Variants in KIAA1549L observed in about 807,000 individuals in gnomAD.
The protein encoded by KIAA1549L is KIAA1549 like, also known as UPF0606 protein KIAA1549L.
A neutral mutation model predicts 160.7 loss-of-function variants in KIAA1549L; 88 were observed. The ratio of observed to expected loss-of-function variants is 0.55; its 90% CI spans 0.46 to 0.65. The LOEUF is 0.65. Ranked by LOEUF, KIAA1549L falls within the 30% of genes least tolerant of loss-of-function variation. KIAA1549L has a pLI of 0.00. For synonymous variants in KIAA1549L, 950 were observed against 976.7 expected, an observed-to-expected ratio of 0.97 and a Z score of 0.51; for missense variants, 2,258 against 2,437.5, an observed-to-expected ratio of 0.93 and a Z score of 1.55.
chr11:33,505,912 TGCTAA>T (rs1394839861), intron 1 of KIAA1549L, among the ~76,000 whole-genome samples: 1 of 152,262 alleles, frequency 6.6e-6, no homozygotes, highest in Admixed American at 6.5e-5. Context: ...ACTCACCATG[TGCTAA>T]GCTAATTACC....
chr11:33,576,365 T>A (rs1855447315), intron 10 of KIAA1549L, among the ~76,000 whole-genome samples: 1 of 152,216 alleles, frequency 6.6e-6, no homozygotes, highest in Non-Finnish European at 1.5e-5. Context: ...CGATGGTCAC[T>A]CTCTGCAATC....
intron 16 of KIAA1549L, among the ~76,000 whole-genome samples, chr11:33,639,758 T>C (rs1340027968): frequency 1.3e-5 from 2 of 152,176 alleles, no homozygotes; most frequent in East Asian, 1.9e-4. Flanking sequence ...CAGGCTGGTC[T>C]CGAACTCCTG....
intron 14 of KIAA1549L, among the ~76,000 whole-genome samples, chr11:33,607,316 C>T (rs1162913091): frequency 6.6e-6 from 1 of 152,010 alleles, no homozygotes; most frequent in Non-Finnish European, 1.5e-5. Context: ...TCATTGGCTG[C>T]TTCCAGAAAG....
At chr11:33,387,757 G>A (rs768899361) in intron 1 of KIAA1549L, among the ~76,000 whole-genome samples, 1 of 152,090 alleles carries the variant, frequency 6.6e-6, no homozygotes, top group African/African-American at 2.4e-5. Context: ...CAGGGCTTTC[G>A]TTTTCTCATC....
chr11:33,418,606 CT>C (rs1189535014), intron 1 of KIAA1549L, among the ~76,000 whole-genome samples: 2 of 152,180 alleles, frequency 1.3e-5, no homozygotes, highest in African/African-American at 4.8e-5. Context: ...GGATTTATTC[CT>C]TACATATAGG....
chr11:33,558,660 A>G (rs747408563), intron 6 of KIAA1549L, among the ~76,000 whole-genome samples: 2 of 152,198 alleles, frequency 1.3e-5, no homozygotes, highest in South Asian at 2.1e-4. Context: ...TTGTTCATAC[A>G]TTGACCCAGA....
At chr11:33,617,133 C>CAA (rs59233344) in intron 15 of KIAA1549L, among the ~76,000 whole-genome samples, 146 of 89,572 alleles carry the variant, frequency 1.6e-3, no homozygotes, top group African/African-American at 3.8e-3. Flanking sequence ...GAGATTCTAT[C>CAA]AAAAAAAAAA....
At chr11:33,423,574 C>G (rs765192617) in intron 1 of KIAA1549L, among the ~76,000 whole-genome samples, 2 of 152,190 alleles carry the variant, frequency 1.3e-5, no homozygotes, top group Non-Finnish European at 2.9e-5. Context: ...TCTCATTTTG[C>G]TCAGCTTACA....
At chr11:33,387,233 C>A (rs545805256) in intron 1 of KIAA1549L, among the ~76,000 whole-genome samples, 10 of 152,288 alleles carry the variant, frequency 6.6e-5, no homozygotes, top group Non-Finnish European at 1.5e-4. Context: ...TATTGAAGAT[C>A]CCTCAAGGAT....
chr11:33,545,652 A>G (rs903786582), intron 3 of KIAA1549L, among the ~76,000 whole-genome samples: 1 of 152,216 alleles, frequency 6.6e-6, no homozygotes, highest in Non-Finnish European at 1.5e-5. Flanking sequence ...TAAAACATCC[A>G]TAGGGCCAAA....
At chr11:33,622,969 T>C (rs1590407577) in intron 16 of KIAA1549L, among the ~76,000 whole-genome samples, 1 of 152,028 alleles carries the variant, frequency 6.6e-6, no homozygotes, top group South Asian at 2.1e-4. Flanking sequence ...TGGAAGGAGA[T>C]GAAGGAATTG....
intron 1 of KIAA1549L, among the ~76,000 whole-genome samples, chr11:33,427,764 C>G (rs943589276): frequency 2.0e-5 from 3 of 152,172 alleles, no homozygotes; most frequent in African/African-American, 7.2e-5. Context: ...AACCCCCTTA[C>G]TAGTTAAGTA....
intron 1 of KIAA1549L, among the ~76,000 whole-genome samples, chr11:33,446,682 A>G (rs971427341): frequency 2.6e-5 from 4 of 151,620 alleles, no homozygotes; most frequent in African/African-American, 9.7e-5. Context: ...TTTTTTTTAA[A>G]TTTAAGTTTT....
chr11:33,438,659 G>T (rs535888762), intron 1 of KIAA1549L, among the ~76,000 whole-genome samples: 8 of 152,302 alleles, frequency 5.3e-5, no homozygotes, highest in South Asian at 4.1e-4. Context: ...TCAATTATTT[G>T]ACTCCTTGTC....
intron 1 of KIAA1549L, among the ~76,000 whole-genome samples, chr11:33,468,336 C>T (rs1310717831): frequency 6.6e-6 from 1 of 152,164 alleles, no homozygotes. Context: ...CTCCAGTTAT[C>T]TCTAAGGGTG....
At chr11:33,444,919 C>T (rs1319780909) in intron 1 of KIAA1549L, among the ~76,000 whole-genome samples, 3 of 152,180 alleles carry the variant, frequency 2.0e-5, no homozygotes, top group African/African-American at 7.2e-5. Flanking sequence ...CTCTTCTGCT[C>T]CTCTCCTTGG....
chr11:33,582,841 A>C (rs1268381559), intron 10 of KIAA1549L, among the ~76,000 whole-genome samples: 1 of 152,122 alleles, frequency 6.6e-6, no homozygotes, highest in African/African-American at 2.4e-5. Flanking sequence ...ATTCTGGGGG[A>C]GATCCATCTG....
At chr11:33,653,058 G>A (rs1851942705) in intron 17 of KIAA1549L, among the ~76,000 whole-genome samples, 1 of 152,204 alleles carries the variant, frequency 6.6e-6, no homozygotes, top group South Asian at 2.1e-4. Flanking sequence ...CAGAGAAAGT[G>A]AATGGCTGAA....
intron 6 of KIAA1549L, among the ~76,000 whole-genome samples, chr11:33,559,491 AG>A (rs1854765535): frequency 6.6e-6 from 1 of 152,150 alleles, no homozygotes; most frequent in African/African-American, 2.4e-5. Context: ...CATCTGTGAA[AG>A]GGCGTCATCA....
Sources: allele counts gnomAD v4.1 joint callset (sites outside exome capture counted in the v4.1 genomes callset), GRCh38; gene constraint gnomAD v4.1.1; transcripts MANE v1.5; gene names NCBI Gene and HGNC (gene_info 2026-07-23, HGNC 2026-07-21).